Variants in RAB5A observed in about 807,000 individuals in gnomAD.
RAB5A encodes the protein RAB5A, member RAS oncogene family.
Under a neutral mutation model 25.7 loss-of-function variants are expected in RAB5A, and 8 were observed. The observed-to-expected ratio is 0.31, with a 90% CI of 0.18 to 0.56. The LOEUF (loss-of-function observed/expected upper bound fraction) is 0.56. Among genes scored for constraint, RAB5A ranks in the 20% least tolerant of loss-of-function variants. RAB5A has a pLI of 0.91. For synonymous variants in RAB5A, 98 were observed against 89.8 expected, an observed-to-expected ratio of 1.09 and a Z score of -0.52; for missense variants, 192 against 259.7, an observed-to-expected ratio of 0.74 and a Z score of 1.79.
chr3:19,977,044 T>G (rs1484884804), intron 4 of RAB5A, among the ~76,000 whole-genome samples: 2 of 152,092 alleles, frequency 1.3e-5, no homozygotes, highest in Non-Finnish European at 1.5e-5. Flanking sequence ...GTGCAATCAC[T>G]TAAAAACAAA....
intron 2 of RAB5A, among the ~76,000 whole-genome samples, chr3:19,964,005 G>C (rs766612573): frequency 6.6e-6 from 1 of 152,176 alleles, no homozygotes; most frequent in Non-Finnish European, 1.5e-5. Context: ...GAATCACTTT[G>C]AAGGCCAGTA....
intron 2 of RAB5A, among the ~76,000 whole-genome samples, chr3:19,967,577 TA>T (rs1378329584): frequency 2.0e-5 from 3 of 152,216 alleles, no homozygotes; most frequent in African/African-American, 7.2e-5. Context: ...TAAACTAGTA[TA>T]GATCACCTCT....
intron 2 of RAB5A, among the ~76,000 whole-genome samples, chr3:19,959,073 A>G (rs1559487167): frequency 6.6e-6 from 1 of 152,206 alleles, no homozygotes; most frequent in Non-Finnish European, 1.5e-5. Flanking sequence ...CATTATGAGC[A>G]TCAGTTTTTG....
intron 5 of RAB5A, 48 bp downstream of exon 5, chr3:19,978,451 G>C (rs1696861212): frequency 2.1e-6 from 3 of 1,402,348 alleles, no homozygotes; most frequent in Non-Finnish European, 3.0e-6. Flanking sequence ...CAAAACAAGT[G>C]TGAAGCATAT....
intron 5 of RAB5A, among the ~76,000 whole-genome samples, chr3:19,980,462 T>C (rs974338940): frequency 6.6e-6 from 1 of 152,072 alleles, no homozygotes; most frequent in Non-Finnish European, 1.5e-5. Flanking sequence ...TTTCTTTTTT[T>C]TTTTGTTATG....
intron 2 of RAB5A, among the ~76,000 whole-genome samples, chr3:19,961,345 A>G (rs557620448): frequency 1.3e-5 from 2 of 152,278 alleles, no homozygotes; most frequent in Non-Finnish European, 2.9e-5. Flanking sequence ...AATGCCATTC[A>G]TGTTCTGGAA....
At chr3:19,968,330 G>A (rs997460390) in intron 2 of RAB5A, among the ~76,000 whole-genome samples, 8 of 150,740 alleles carry the variant, frequency 5.3e-5, no homozygotes, top group African/African-American at 1.5e-4. Flanking sequence ...ATTTACTACC[G>A]AAAATTGAAA....
intron 5 of RAB5A, among the ~76,000 whole-genome samples, chr3:19,980,445 A>ATTTTT (rs11441052): frequency 8.1e-5 from 12 of 148,170 alleles, no homozygotes; most frequent in Non-Finnish European, 8.9e-5. Flanking sequence ...AGGTTAGTAA[A>ATTTTT]TTTTTTTTTC....
At chr3:19,981,409 C>T (rs1696924462) in intron 5 of RAB5A, among the ~76,000 whole-genome samples, 1 of 151,968 alleles carries the variant, frequency 6.6e-6, no homozygotes, top group Non-Finnish European at 1.5e-5. Flanking sequence ...AGGAGTTGGT[C>T]AGGAAACAAG....
At chr3:19,968,011 G>A (rs186610824) in intron 2 of RAB5A, among the ~76,000 whole-genome samples, 4 of 152,070 alleles carry the variant, frequency 2.6e-5, no homozygotes, top group East Asian at 1.9e-4. Context: ...CTGTTATGTC[G>A]GATTACTGCT....
chr3:19,955,763 C>T (rs979024659), intron 2 of RAB5A, among the ~76,000 whole-genome samples: 17 of 152,062 alleles, frequency 1.1e-4, no homozygotes, highest in African/African-American at 3.1e-4. Flanking sequence ...TGGTGGCGTG[C>T]GCCTGTAGTC....
In RAB5A at chr3:19,983,780, C is replaced by T; in HGVS notation, c.605C>T (p.Thr202Ile). ...NSARGRGVDL[T>I]EPTQPTRNQC... is the part of the protein sequence containing the mutation. ...GCCAGAGGAAGAGGAGTAGACCTTA[C>T]CGAACCCACACAACCAACCAGGAAT... is the stretch of plus-strand genomic sequence containing the variant. Residue 202 changes from threonine (T) to isoleucine (I), a missense_variant, in exon 6 of 6, where the codon ACC becomes ATC. Around this residue, in one of 3 missense-constraint regions of RAB5A, gnomAD observed 121 missense variants for 135.7 expected, o/e 0.89. Coordinates refer to ENST00000273047, the MANE Select transcript of RAB5A (RefSeq NM_004162.5). 1 of 1,612,204 alleles carries T rather than the reference C, an allele frequency of 6.2e-7. No individual in the cohort carries two copies. Among genetic ancestry groups the T allele is most frequent in the Non-Finnish European group, 8.5e-7 (1 of 1,178,880 alleles).
At position 19,956,854 on chromosome 3, in the gene RAB5A, A is replaced by C. The variant is rs576640824; in HGVS notation, c.163+5793A>C. Among the ~76,000 whole-genome samples the C allele has an allele frequency of 4.6e-5, 7 of 151,878 alleles. No individual in the cohort carries two copies. In the South Asian group the frequency reaches 1.5e-3, roughly 31 times the overall value. On this transcript the variant is annotated intron_variant, in intron 2 of 5. Transcript: ENST00000273047. ...GATATTTTTGTTGTTTGGTCATGAC[A>C]TACTATTATCTTGAGATGGTAGCTG...
intron 2 of RAB5A, among the ~76,000 whole-genome samples, chr3:19,951,574 G>A (rs1414823816): frequency 6.6e-6 from 1 of 152,108 alleles, no homozygotes; most frequent in Non-Finnish European, 1.5e-5. Flanking sequence ...CGCCTAGGCT[G>A]GAGTGCAGTG....
intron 2 of RAB5A, among the ~76,000 whole-genome samples, chr3:19,965,937 G>A (rs1322300876): frequency 6.6e-6 from 1 of 151,944 alleles, no homozygotes; most frequent in Non-Finnish European, 1.5e-5. Context: ...CATGTTGCCC[G>A]GGCTGGTCTC....
rs1008391306 is a variant in RAB5A, at chr3:19,971,143, G to C, written c.164-4458G>C. ...ACCCAGGAAGCGGAGGTTTCAGTGA[G>C]CCGAGATCGCGCCATTGCACTCCAG... On this transcript the variant is annotated intron_variant, in intron 2 of 5. Transcript: ENST00000273047. 1.8e-4 allele frequency among the ~76,000 whole-genome samples: 27 copies of C among 146,576 alleles called. 1 individual carries two copies. The highest frequency in any genetic ancestry group is 3.3e-4 in the Non-Finnish European group (22 of 67,396).
chr3:19,978,208 G>A (rs1467887209), intron 4 of RAB5A, 102 bp from the exon 5 acceptor site: 13 of 778,194 alleles, frequency 1.7e-5, no homozygotes, highest in Non-Finnish European at 2.7e-5. Context: ...GAATCAGGTT[G>A]TAGTAATAAG....
At position 19,950,928 on chromosome 3, in the gene RAB5A, C is replaced by T. The variant is rs749885739; in HGVS notation, c.30C>T (p.Asn10=). The part of the protein sequence containing the change: MASRGATRP[N]GPNTGNKICQ... ...CTAGTCGAGGCGCAACAAGACCCAA[C>T]GGGCCAAATACGGGAAATAAAATAT... The change falls in exon 2 of 6, where the codon AAC becomes AAT. Residue 10 remains asparagine, a synonymous_variant. Transcript: ENST00000273047. The T allele has an allele frequency of 2.2e-5, 36 of 1,612,694 alleles. No individual in the cohort carries two copies. Among genetic ancestry groups the T allele is most frequent in the Admixed American group, 3.3e-5 (2 of 59,972 alleles).
chr3:19,962,203 C>T (rs1696595914), intron 2 of RAB5A, among the ~76,000 whole-genome samples: 1 of 152,164 alleles, frequency 6.6e-6, no homozygotes, highest in Non-Finnish European at 1.5e-5. Flanking sequence ...TGTACAGATT[C>T]AAGGGAAGAG....
Sources: gnomAD v4.1 joint callset for allele counts (sites outside exome capture counted in the v4.1 genomes callset) on GRCh38, gnomAD v4.1.1 for gene constraint, gnomAD v4.1.1 regional missense constraint, MANE v1.5 for transcripts, NCBI Gene and HGNC (gene_info 2026-07-23, HGNC 2026-07-21) for gene names.